The following MAP3K4 variants were observed in gnomAD, a reference collection of about 807,000 sequenced individuals.
The protein encoded by MAP3K4 is MAP three kinase 1.
MAP3K4 carries 67 observed loss-of-function variants against 185.6 expected under a neutral mutation model. The ratio of observed to expected loss-of-function variants is 0.36; its 90% CI spans 0.30 to 0.44. The LOEUF is 0.44. Ranked by LOEUF, MAP3K4 falls within the 20% of genes least tolerant of loss-of-function variation. The pLI is 1.00. For missense variants in MAP3K4, 1,551 were observed against 1,995.1 expected (o/e 0.78, Z 4.24); for synonymous variants, 702 against 710.4 (o/e 0.99, Z 0.19).
Position 161,117,134 on chromosome 6 carries a change from C to T in MAP3K4, c.*264C>T, listed in dbSNP as rs1018368407. On this transcript the variant is annotated 3_prime_UTR_variant, in exon 27 of 27. Transcript: ENST00000392142. ...CACGGACCATCGCCTCTGTCTCCTC[C>T]GTGTCTCGCGCGACTGAGAACCGTG... The T allele has an allele frequency of 1.3e-5, 6 of 456,548 alleles. No homozygotes were observed. The highest frequency in any genetic ancestry group is 7.1e-5 in the East Asian group (2 of 28,206). The allele number at this position is 456,548 out of a possible 1,614,324, so 28.3% of individuals were successfully genotyped here.
chr6:161,109,952 C>G lies in MAP3K4; in HGVS notation c.4396+38C>G. ...CCGCCTGGCTGCTGTGGGCCAGAGC[C>G]ACTGGTACCCAGCCCGTGGGAGGTG... On this transcript the variant is annotated intron_variant, in intron 23 of 26. Coordinates refer to ENST00000392142, the MANE Select transcript of MAP3K4 (RefSeq NM_005922.4). The surrounding 1 kb of genome is among the most constrained non-coding windows in gnomAD (Gnocchi z 5.7). The G allele has an allele frequency of 1.9e-6, 3 of 1,609,610 alleles. No homozygotes were observed. Among genetic ancestry groups the G allele is most frequent in the Non-Finnish European group, 2.5e-6 (3 of 1,177,382 alleles).
intron 3 of MAP3K4, among the ~76,000 whole-genome samples, chr6:161,068,762 A>G (rs1784811467): frequency 6.6e-6 from 1 of 152,242 alleles, no homozygotes; most frequent in Admixed American, 6.5e-5. Context: ...GGTTCAAGGA[A>G]AGAAAAGTGT....
intron 1 of MAP3K4, among the ~76,000 whole-genome samples, chr6:161,003,591 CTCT>C (rs1781433964): frequency 6.6e-6 from 1 of 152,150 alleles, no homozygotes; most frequent in Admixed American, 6.5e-5. Context: ...CCCAAGACAG[CTCT>C]TCTTTGTTGA....
rs719474 is a variant in MAP3K4, at chr6:161,053,628, G to A, written c.1707+3649G>A. Among the ~76,000 whole-genome samples the A allele has an allele frequency of 0.063, 9,609 of 152,228 alleles. 356 individuals are homozygous for A. Among genetic ancestry groups the A allele is most frequent in the African/African-American group, 0.098 (4,064 of 41,516 alleles). ...TGTTTTTGAGACAAAGTCTCATTCT[G>A]TTTCCTAGGCTGGAGTGTAATGGGA... is the stretch of plus-strand genomic sequence containing the variant. On this transcript the variant is annotated intron_variant, in intron 3 of 26. Transcript: ENST00000392142. The surrounding 1 kb of genome is among the most constrained non-coding windows in gnomAD (Gnocchi z 4.2).
chr6:161,028,018 C>T lies in MAP3K4; in HGVS notation c.153-6241C>T, dbSNP rs78861720. Among the ~76,000 whole-genome samples the T allele has an allele frequency of 7.9e-3, 1,209 of 152,302 alleles. 15 individuals carry two copies. Among genetic ancestry groups the T allele is most frequent in the African/African-American group, 0.027 (1,129 of 41,566 alleles). On this transcript the variant is annotated intron_variant, in intron 1 of 26. Transcript: ENST00000392142. Reference sequence around the variant, plus strand: ...CTTACCTGGTGGCTAGCTTTCCCAGCAGTACACAGGTGGCCTTCTTAAGGT... The same window carrying T: ...CTTACCTGGTGGCTAGCTTTCCCAGTAGTACACAGGTGGCCTTCTTAAGGT...
Position 161,112,235 on chromosome 6 carries a change from T to TA in MAP3K4, c.4519+283dup, listed in dbSNP as rs1778385828. On this transcript the variant is annotated intron_variant, in intron 24 of 26. Coordinates refer to ENST00000392142, the MANE Select transcript of MAP3K4 (RefSeq NM_005922.4). This position sits in a 1 kb window ranked among gnomAD's most constrained non-coding sequence, Gnocchi z 5.1. ...TGTTTGCATTGTTTTTCTTAAAACT[T>TA]AAAAAATGTAGACATTGTTTGTGCT... 6.6e-6 allele frequency among the ~76,000 whole-genome samples: 1 copy of TA among 152,142 alleles called. No individual in the cohort carries two copies. Among genetic ancestry groups the TA allele is most frequent in the Non-Finnish European group, 1.5e-5 (1 of 68,026 alleles).
chr6:161,101,034 A>G lies in MAP3K4; in HGVS notation c.3675-858A>G, dbSNP rs1777819571. 1 of 152,260 alleles carries G rather than the reference A, an allele frequency of 6.6e-6. No homozygotes were observed. 9.4% of individuals were successfully genotyped at this position (152,260 alleles called of 1,614,324 possible). On this transcript the variant is annotated intron_variant, in intron 17 of 26. Transcript: ENST00000392142. This position sits in a 1 kb window ranked among gnomAD's most constrained non-coding sequence, Gnocchi z 5.1. The stretch of plus-strand genomic sequence containing the variant: ...ACCTATCAATGTATAATAAGAGCAT[A>G]AATGCTACCATACTTCATTATACCA...
At position 161,056,631 on chromosome 6, in the gene MAP3K4, C is replaced by T. The variant is rs1464442117; in HGVS notation, c.1707+6652C>T. Among the ~76,000 whole-genome samples the T allele has an allele frequency of 6.6e-6, 1 of 152,148 alleles. No homozygotes were observed. Among genetic ancestry groups the T allele is most frequent in the African/African-American group, 2.4e-5 (1 of 41,422 alleles). The stretch of plus-strand genomic sequence containing the variant: ...GTAAAGTAGTTTCAGAATTGCTAAC[C>T]AGTACCCCTGTGAGGAATAAATTTA... On this transcript the variant is annotated intron_variant, in intron 3 of 26. Coordinates refer to ENST00000392142, the MANE Select transcript of MAP3K4 (RefSeq NM_005922.4). The surrounding 1 kb of genome is among the most constrained non-coding windows in gnomAD (Gnocchi z 5.4).
intron 2 of MAP3K4, among the ~76,000 whole-genome samples, chr6:161,038,136 T>C (rs1019240118): frequency 6.6e-6 from 1 of 152,158 alleles, no homozygotes; most frequent in African/African-American, 2.4e-5. Context: ...ATTCTTTCCA[T>C]TGAATCAGCA....
rs146887469 is a variant in MAP3K4, at chr6:161,029,768, G to A, written c.153-4491G>A. ...ACAAAATGAGGTTTTGGATGCTTAC[G>A]GTTAGTTAATTGAAATGATGCAAGT... On this transcript the variant is annotated intron_variant, in intron 1 of 26. Coordinates refer to ENST00000392142, the MANE Select transcript of MAP3K4 (RefSeq NM_005922.4). Among the ~76,000 whole-genome samples, 293 of 152,192 alleles carry A rather than the reference G, an allele frequency of 1.9e-3. 3 individuals carry two copies. Among genetic ancestry groups the A allele is most frequent in the African/African-American group, 6.6e-3 (275 of 41,540 alleles).
chr6:161,094,643 T>C (rs1389256869), intron 15 of MAP3K4, among the ~76,000 whole-genome samples: 1 of 152,234 alleles, frequency 6.6e-6, no homozygotes, highest in Non-Finnish European at 1.5e-5. Flanking sequence ...GAACACTAAC[T>C]GTATTTCATA....
intron 1 of MAP3K4, among the ~76,000 whole-genome samples, chr6:161,013,053 A>C (rs1781921081): frequency 6.6e-6 from 1 of 152,184 alleles, no homozygotes; most frequent in African/African-American, 2.4e-5. Flanking sequence ...TAGAATTTGA[A>C]AGGATTTTGA....
chr6:161,055,895 G>A (rs553513375), intron 3 of MAP3K4, among the ~76,000 whole-genome samples: 1 of 152,286 alleles, frequency 6.6e-6, no homozygotes, highest in Non-Finnish European at 1.5e-5. Context: ...CTCAAGGGGA[G>A]GGAAATTAAT....
chr6:161,091,935 G>T lies in MAP3K4; in HGVS notation c.3136-75G>T. On this transcript the variant is annotated intron_variant, in intron 12 of 26. Transcript: ENST00000392142. This position sits in a 1 kb window ranked among gnomAD's most constrained non-coding sequence, Gnocchi z 5.5. Reference sequence around the variant, plus strand: ...CTTTTTGTTTTTAGAAAACATTTTAGACATGGCATTATAGTGTGTGATATT... The same window carrying T: ...CTTTTTGTTTTTAGAAAACATTTTATACATGGCATTATAGTGTGTGATATT... 8.2e-7 allele frequency: 1 copy of T among 1,221,824 alleles called. No individual in the cohort carries two copies. The allele number at this position is 1,221,824 out of a possible 1,614,324, so 75.7% of individuals were successfully genotyped here.
chr6:161,022,809 C>T lies in MAP3K4; in HGVS notation c.153-11450C>T, dbSNP rs1454925049. ...TTGACCTCCTGTGCAAAGGATCCTT[C>T]CCTAAAATGGTTCTATAAGGTTCTG... is the stretch of plus-strand genomic sequence containing the variant. On this transcript the variant is annotated intron_variant, in intron 1 of 26. Transcript: ENST00000392142. The surrounding 1 kb of genome is among the most constrained non-coding windows in gnomAD (Gnocchi z 4.2). Among the ~76,000 whole-genome samples, 1 of 152,070 alleles carries T rather than the reference C, an allele frequency of 6.6e-6. No individual in the cohort carries two copies. The highest frequency in any genetic ancestry group is 1.5e-5 in the Non-Finnish European group (1 of 68,012).
intron 2 of MAP3K4, among the ~76,000 whole-genome samples, chr6:161,045,106 C>T (rs1448082248): frequency 1.3e-5 from 2 of 152,096 alleles, no homozygotes; most frequent in Non-Finnish European, 2.9e-5. Context: ...CCTTTTTGCA[C>T]AGTAGCTAGA....
At chr6:160,992,795 AT>A (rs1002395131) in intron 1 of MAP3K4, among the ~76,000 whole-genome samples, 2 of 152,040 alleles carry the variant, frequency 1.3e-5, no homozygotes, top group African/African-American at 4.8e-5. Context: ...TCCATACTCT[AT>A]TAACTTATTT....
At chr6:161,081,977 C>T (rs1253949745) in intron 6 of MAP3K4, among the ~76,000 whole-genome samples, 2 of 152,092 alleles carry the variant, frequency 1.3e-5, no homozygotes, top group African/African-American at 2.4e-5. Context: ...CTCCTGGTCC[C>T]GTCAGCGTGA....
chr6:161,043,564 G>C lies in MAP3K4; in HGVS notation c.344-5052G>C, dbSNP rs1185015219. 1.3e-5 allele frequency among the ~76,000 whole-genome samples: 2 copies of C among 152,174 alleles called. No individual in the cohort carries two copies. Among genetic ancestry groups the C allele is most frequent in the African/African-American group, 2.4e-5 (1 of 41,434 alleles). ...CCATGTGTCTAACCATCTGTGTTCT[G>C]TGATAATCTTCATCATCATGTTGTT... On this transcript the variant is annotated intron_variant, in intron 2 of 26. Coordinates refer to ENST00000392142, the MANE Select transcript of MAP3K4 (RefSeq NM_005922.4). The surrounding 1 kb of genome is among the most constrained non-coding windows in gnomAD (Gnocchi z 4.3).
Sources: gnomAD v4.1 joint callset for allele counts (sites outside exome capture counted in the v4.1 genomes callset) on GRCh38, gnomAD v4.1.1 for gene constraint, Gnocchi (gnomAD v3.1) non-coding constraint, MANE v1.5 for transcripts, NCBI Gene and HGNC (gene_info 2026-07-23, HGNC 2026-07-21) for gene names.